NIPAL3: variants seen among roughly 807,000 people sequenced by gnomAD.
NIPAL3 encodes the protein NIPA-like protein 3.
Under a neutral mutation model 47.2 loss-of-function variants are expected in NIPAL3, and 41 were observed. The ratio of observed to expected loss-of-function variants is 0.87; its 90% CI spans 0.68 to 1.13. NIPAL3 has a LOEUF of 1.13. Ranked by LOEUF, NIPAL3 falls within the 50% of genes most tolerant of loss-of-function variation. NIPAL3 has a pLI of 0.00. For synonymous variants in NIPAL3, 194 were observed against 209.6 expected (o/e 0.93, Z 0.64); for missense variants, 449 against 530.1 (o/e 0.85, Z 1.50).
chr1:24,438,094 C>T (rs1481673769), intron 2 of NIPAL3, among the ~76,000 whole-genome samples: 1 of 152,154 alleles, frequency 6.6e-6, no homozygotes, highest in Non-Finnish European at 1.5e-5. Flanking sequence ...CTACATGGTG[C>T]TTTTCTTGCC....
At chr1:24,419,102 AG>A (rs1383653071) in intron 1 of NIPAL3, among the ~76,000 whole-genome samples, 188 bp from the exon 2 acceptor site, 2 of 152,244 alleles carry the variant, frequency 1.3e-5, no homozygotes, top group East Asian at 1.9e-4. Context: ...GTTTGTATTA[AG>A]GGGAGGACAA....
At chr1:24,431,588 T>C (rs772853816) in intron 2 of NIPAL3, among the ~76,000 whole-genome samples, 1 of 152,180 alleles carries the variant, frequency 6.6e-6, no homozygotes, top group African/African-American at 2.4e-5. Flanking sequence ...AACATAGTCC[T>C]AATAACATCA....
chr1:24,445,116 C>T lies in NIPAL3; in HGVS notation c.335-69C>T, dbSNP rs150134145. The T allele has an allele frequency of 3.2e-5, 34 of 1,060,860 alleles. No individual in the cohort carries two copies. In the East Asian group the frequency reaches 7.4e-4, roughly 23 times the overall value. The allele number at this position is 1,060,860 out of a possible 1,614,324, so 65.7% of individuals were successfully genotyped here. A position where few individuals can be genotyped will look rare whatever the true frequency, so the allele number is the denominator to read the frequency against. ...CAATGCAAAGAAGCCACCCAGAGGG[C>T]ATGGGTGAAGGGATGCCCTTTAGCT... On this transcript the variant is annotated intron_variant, in intron 4 of 11. Coordinates refer to ENST00000374399, the MANE Select transcript of NIPAL3 (RefSeq NM_020448.5).
chr1:24,468,916 A>G lies in NIPAL3; in HGVS notation c.1022-70A>G, dbSNP rs940236248. On this transcript the variant is annotated intron_variant, in intron 11 of 11. Transcript: ENST00000374399. ...AGCACTATAATTAGTCTGTGGCGGG[A>G]TAGAGGGAGATGCGGCCTCCTTGGC... 8 of 1,383,380 alleles carry G rather than the reference A, an allele frequency of 5.8e-6. No individual in the cohort carries two copies. In the East Asian group the frequency reaches 6.9e-5, roughly 12 times the overall value. 85.7% of individuals were successfully genotyped at this position (1,383,380 alleles called of 1,614,324 possible). A position where few individuals can be genotyped will look rare whatever the true frequency, so the allele number is the denominator to read the frequency against.
chr1:24,452,853 A>ATTTTTTTTTT (rs3054551), intron 6 of NIPAL3, among the ~76,000 whole-genome samples: 161 of 124,072 alleles, frequency 1.3e-3, no homozygotes, highest in Middle Eastern at 4.2e-3. Context: ...CGCCCAGCTA[A>ATTTTTTTTTT]TTTTTTTTTT....
intron 9 of NIPAL3, 92 bp downstream of exon 9, chr1:24,459,068 C>A: frequency 9.1e-7 from 1 of 1,097,240 alleles, no homozygotes; most frequent in South Asian, 1.3e-5. Flanking sequence ...CTGACTTGTT[C>A]TCCCCGTAGA....
At chr1:24,432,141 A>T (rs1290093603) in intron 2 of NIPAL3, among the ~76,000 whole-genome samples, 5 of 151,942 alleles carry the variant, frequency 3.3e-5, no homozygotes, top group Non-Finnish European at 4.4e-5. Context: ...ATATATATAT[A>T]TTTTTGAGAT....
At position 24,415,870 on chromosome 1, in the gene NIPAL3, G is replaced by T. The variant is rs1643996397; in HGVS notation, c.-292G>T. On this transcript the variant is annotated 5_prime_UTR_variant, in exon 1 of 12. Coordinates refer to ENST00000374399, the MANE Select transcript of NIPAL3 (RefSeq NM_020448.5). ...AAGAGTCCGAGTCATTTCTCAGAAG[G>T]TTTTGATAGGTGGGCCTTAGAGGAG... 2 of 985,382 alleles carry T rather than the reference G, an allele frequency of 2.0e-6. No individual in the cohort carries two copies. The allele number at this position is 985,382 out of a possible 1,614,324, so 61.0% of individuals were successfully genotyped here. A position where few individuals can be genotyped will look rare whatever the true frequency, so the allele number is the denominator to read the frequency against.
intron 3 of NIPAL3, 80 bp downstream of exon 3, chr1:24,440,320 T>G (rs1645317480): frequency 8.7e-7 from 1 of 1,150,706 alleles, no homozygotes; most frequent in Admixed American, 2.6e-5. Flanking sequence ...TCCAGCTGCC[T>G]CCTCTCTGCA....
rs1189553900 is a variant in NIPAL3 at position 24,460,479 on chromosome 1, A to G, written c.863-2A>G. The G allele has an allele frequency of 6.3e-7, 1 of 1,586,846 alleles. No individual in the cohort carries two copies. The highest frequency in any genetic ancestry group is 1.8e-5 in the Admixed American group (1 of 54,716). ...GGTATTTTCTATGATTTGCTGCTGC[A>G]GGTGCAATATTTTACCTGGACTTCA... On this transcript the variant is annotated splice_acceptor_variant, in intron 9 of 11. Transcript: ENST00000374399. LOFTEE classifies it high-confidence loss of function.
At chr1:24,420,122 A>C (rs989636359) in intron 2 of NIPAL3, 4 of 152,876 alleles carry the variant, frequency 2.6e-5, no homozygotes, top group Non-Finnish European at 5.8e-5. Flanking sequence ...ATTAAAATAC[A>C]TAAAAATAGG....
At chr1:24,450,850 C>T (rs1645903492) in intron 6 of NIPAL3, among the ~76,000 whole-genome samples, 5 of 152,164 alleles carry the variant, frequency 3.3e-5, no homozygotes. Flanking sequence ...ATCCTTTTTC[C>T]TCAGATTATC....
At chr1:24,462,401 C>T (rs1193403495) in intron 10 of NIPAL3, among the ~76,000 whole-genome samples, 1 of 152,154 alleles carries the variant, frequency 6.6e-6, no homozygotes, top group African/African-American at 2.4e-5. Flanking sequence ...GGAAACAACC[C>T]AAATGTCTAC....
rs1416659591 is a variant in NIPAL3 at position 24,471,547 on chromosome 1, C to T, written c.*2362C>T. ...AGTGAGCCATGATCATGCTACTGCACTCCAGCCTGGGTGACAATGAGACCA... is the reference window on the plus strand; with the variant it reads ...AGTGAGCCATGATCATGCTACTGCATTCCAGCCTGGGTGACAATGAGACCA... On this transcript the variant is annotated 3_prime_UTR_variant, in exon 12 of 12. Transcript: ENST00000374399. 2 of 149,522 alleles carry T rather than the reference C, an allele frequency of 1.3e-5. No homozygotes were observed. 9.3% of individuals were successfully genotyped at this position (149,522 alleles called of 1,614,324 possible).
rs1240799235 is a variant in NIPAL3 at position 24,449,478 on chromosome 1, C to A, written c.395-3C>A. Reference sequence around the variant, plus strand: ...AGTCCGTGACAGCCTCTCTTCCCCGCAGGGCGCTACGTCTTGTCCTTTGTT... The same window carrying A: ...AGTCCGTGACAGCCTCTCTTCCCCGAAGGGCGCTACGTCTTGTCCTTTGTT... On this transcript the variant is annotated splice_polypyrimidine_tract_variant and splice_region_variant and intron_variant, in intron 5 of 11. Transcript: ENST00000374399. This position sits in a 1 kb window ranked among gnomAD's most constrained non-coding sequence, Gnocchi z 4.5. The A allele has an allele frequency of 6.2e-7, 1 of 1,612,964 alleles. No homozygotes were observed. The highest frequency in any genetic ancestry group is 1.1e-5 in the South Asian group (1 of 91,024).
In NIPAL3 at chr1:24,469,221, G is replaced by C; in HGVS notation, c.*36G>C. 1 of 1,561,534 alleles carries C rather than the reference G, an allele frequency of 6.4e-7. No homozygotes were observed. Among genetic ancestry groups the C allele is most frequent in the Non-Finnish European group, 8.7e-7 (1 of 1,143,888 alleles). On this transcript the variant is annotated 3_prime_UTR_variant, in exon 12 of 12. Transcript: ENST00000374399. ...CCTCTATTTATAACTGTCCCCTCCA[G>C]GCTGACAGTGGTTCAACCCTGAATC...
At position 24,461,343 on chromosome 1, in the gene NIPAL3, A is replaced by T. The variant is rs574859551; in HGVS notation, c.926+799A>T. The stretch of plus-strand genomic sequence containing the variant: ...GATTACCTGAGGTCGGGAGTTTGAG[A>T]CCAGCCTGACCAACATGGAGAAACC... On this transcript the variant is annotated intron_variant, in intron 10 of 11. Coordinates refer to ENST00000374399, the MANE Select transcript of NIPAL3 (RefSeq NM_020448.5). 7.8e-3 allele frequency among the ~76,000 whole-genome samples: 1,172 copies of T among 150,734 alleles called. 18 individuals are homozygous for T. The highest frequency in any genetic ancestry group is 0.027 in the African/African-American group (1,110 of 40,602).
At chr1:24,435,977 CCT>C (rs1482334648) in intron 2 of NIPAL3, among the ~76,000 whole-genome samples, 2 of 152,218 alleles carry the variant, frequency 1.3e-5, no homozygotes, top group African/African-American at 4.8e-5. Context: ...GACGGCACTT[CCT>C]CTCTCTGTCC....
chr1:24,425,095 C>T (rs1203505368), intron 2 of NIPAL3, among the ~76,000 whole-genome samples: 1 of 152,118 alleles, frequency 6.6e-6, no homozygotes, highest in African/African-American at 2.4e-5. Context: ...CCCAGCAGGA[C>T]ATTGACACTG....
Sources: gnomAD v4.1 joint callset for allele counts (sites outside exome capture counted in the v4.1 genomes callset) on GRCh38, gnomAD v4.1.1 for gene constraint, Gnocchi (gnomAD v3.1) non-coding constraint, MANE v1.5 for transcripts, NCBI Gene and HGNC (gene_info 2026-07-23, HGNC 2026-07-21) for gene names.